The following NCAM1 variants were observed in gnomAD, a reference collection of about 807,000 sequenced individuals.
NCAM1 encodes antigen recognized by monoclonal antibody 5.1H11.
A neutral mutation model predicts 109.8 loss-of-function variants in NCAM1; 14 were observed. That is an observed-to-expected ratio of 0.13 (90% CI 0.08 to 0.20). The LOEUF is 0.20. Ranked by LOEUF, NCAM1 falls within the 10% of genes least tolerant of loss-of-function variation. The pLI is 1.00. For synonymous variants in NCAM1, 418 were observed against 442.9 expected, an observed-to-expected ratio of 0.94 and a Z score of 0.70; for missense variants, 774 against 1,109.9, an observed-to-expected ratio of 0.70 and a Z score of 4.30.
At chr11:113,180,123 C>A (rs1943286872) in intron 1 of NCAM1, among the ~76,000 whole-genome samples, 1 of 152,192 alleles carries the variant, frequency 6.6e-6, no homozygotes, top group South Asian at 2.1e-4. Context: ...TTGTGGACGA[C>A]TGACTGGCAG....
At chr11:113,153,453 T>A (rs113896222) in intron 1 of NCAM1, among the ~76,000 whole-genome samples, 1,446 of 141,276 alleles carry the variant, frequency 0.01, 9 homozygotes, top group Non-Finnish European at 0.017. Context: ...AGACAGAGAG[T>A]GAGAGAGAGA....
At chr11:113,201,552 C>T (rs187257350) in intron 1 of NCAM1, among the ~76,000 whole-genome samples, 2 of 152,362 alleles carry the variant, frequency 1.3e-5, no homozygotes, top group East Asian at 3.9e-4. Flanking sequence ...GAATGGTTGT[C>T]TGCTCCCAGC....
At chr11:113,109,305 G>T (rs1940324490) in intron 1 of NCAM1, among the ~76,000 whole-genome samples, 1 of 147,852 alleles carries the variant, frequency 6.8e-6, no homozygotes, top group Non-Finnish European at 1.5e-5. Context: ...CCAAGACAGT[G>T]CCACTGTACT....
chr11:113,071,708 G>A (rs1156410330), intron 1 of NCAM1, among the ~76,000 whole-genome samples: 1 of 152,142 alleles, frequency 6.6e-6, no homozygotes, highest in African/African-American at 2.4e-5. Context: ...TACAGGCGTG[G>A]GCCACCATGC....
Position 113,274,242 on chromosome 11 carries a change from T to A in NCAM1, c.2457-1025T>A, listed in dbSNP as rs1001287371. 1.3e-4 allele frequency among the ~76,000 whole-genome samples: 19 copies of A among 151,962 alleles called. No homozygotes were observed. The highest frequency in any genetic ancestry group is 2.9e-5 in the Non-Finnish European group (2 of 67,982). ...CACACTGTGGCTCAGATGCTCACCCTCCCCTCCCAACCCCGGCCCCCAGCC... is the reference window on the plus strand; with the variant it reads ...CACACTGTGGCTCAGATGCTCACCCACCCCTCCCAACCCCGGCCCCCAGCC... On this transcript the variant is annotated intron_variant, in intron 19 of 19. Coordinates refer to ENST00000316851, the MANE Select transcript of NCAM1 (RefSeq NM_181351.5). The surrounding 1 kb of genome is among the most constrained non-coding windows in gnomAD (Gnocchi z 4.1).
chr11:113,069,381 G>T (rs1409542029), intron 1 of NCAM1, among the ~76,000 whole-genome samples: 2 of 152,180 alleles, frequency 1.3e-5, no homozygotes, highest in African/African-American at 4.8e-5. Context: ...AGATGGAAGT[G>T]GAGGCAAGAG....
intron 1 of NCAM1, among the ~76,000 whole-genome samples, chr11:113,078,131 C>T (rs1389523909): frequency 4.6e-5 from 7 of 152,122 alleles, no homozygotes; most frequent in East Asian, 3.9e-4. Context: ...AATCAAGTGT[C>T]GGCAGGACTG....
Position 113,102,602 on chromosome 11 carries a change from T to C in NCAM1, c.53-99777T>C, listed in dbSNP as rs990661592. ...ATTGATATGCCAGGTGGACTTCTCA[T>C]AGATATCTGTACCTGTTTGCAACTT... is the stretch of plus-strand genomic sequence containing the variant. On this transcript the variant is annotated intron_variant, in intron 1 of 19. Coordinates refer to ENST00000316851, the MANE Select transcript of NCAM1 (RefSeq NM_181351.5). 2.6e-5 allele frequency among the ~76,000 whole-genome samples: 4 copies of C among 152,226 alleles called. No homozygotes were observed. In the East Asian group the frequency reaches 5.8e-4, roughly 22 times the overall value.
At chr11:113,235,765 C>T (rs1945148432) in intron 14 of NCAM1, among the ~76,000 whole-genome samples, 1 of 152,180 alleles carries the variant, frequency 6.6e-6, no homozygotes, top group South Asian at 2.1e-4. Context: ...AGAATTGCTT[C>T]CCCCTGATTC....
chr11:113,035,060 C>A (rs1330340471), intron 1 of NCAM1, among the ~76,000 whole-genome samples: 1 of 152,106 alleles, frequency 6.6e-6, no homozygotes, highest in Non-Finnish European at 1.5e-5. Context: ...ACACCTTATT[C>A]TTTGAATTTG....
chr11:113,081,263 G>T (rs1428366531), intron 1 of NCAM1, among the ~76,000 whole-genome samples: 4 of 35,322 alleles, frequency 1.1e-4, no homozygotes, highest in African/African-American at 2.6e-4. Context: ...ATGGCAGGAC[G>T]GGGGTCCCGT....
intron 1 of NCAM1, among the ~76,000 whole-genome samples, chr11:113,071,530 A>G (rs993830723): frequency 5.6e-4 from 83 of 148,684 alleles, no homozygotes; most frequent in African/African-American, 2.0e-3. Flanking sequence ...GGTTCACACC[A>G]TTCTCCTGCC....
intron 1 of NCAM1, among the ~76,000 whole-genome samples, chr11:113,197,493 G>T (rs1943891647): frequency 6.6e-6 from 1 of 152,162 alleles, no homozygotes; most frequent in Admixed American, 6.5e-5. Flanking sequence ...TTATTAAATA[G>T]ATTATAGAAA....
chr11:113,026,592 G>A (rs1952553103), intron 1 of NCAM1, among the ~76,000 whole-genome samples: 2 of 152,256 alleles, frequency 1.3e-5, no homozygotes, highest in Non-Finnish European at 2.9e-5. Context: ...AAACAGTGGC[G>A]ACAGAAGGTG....
chr11:113,172,577 G>A (rs1468564394), intron 1 of NCAM1, among the ~76,000 whole-genome samples: 2 of 152,150 alleles, frequency 1.3e-5, no homozygotes, highest in East Asian at 1.9e-4. Context: ...TTAGAAGATT[G>A]CACATTTTGT....
intron 1 of NCAM1, among the ~76,000 whole-genome samples, chr11:113,176,492 T>A (rs1014261493): frequency 2.0e-5 from 3 of 152,188 alleles, no homozygotes; most frequent in Non-Finnish European, 4.4e-5. Flanking sequence ...TATAAGAGAT[T>A]AGGTGAAGGT....
chr11:113,124,848 G>A (rs1443630682), intron 1 of NCAM1, among the ~76,000 whole-genome samples: 1 of 152,188 alleles, frequency 6.6e-6, no homozygotes, highest in Non-Finnish European at 1.5e-5. Flanking sequence ...CGACACTTCT[G>A]CTAAATTTCT....
In NCAM1 at chr11:112,971,252, GTC is replaced by G. The variant is rs145671050; in HGVS notation, c.52+9606_52+9607del. On this transcript the variant is annotated intron_variant, in intron 1 of 19. Coordinates refer to ENST00000316851, the MANE Select transcript of NCAM1 (RefSeq NM_181351.5). ...TCTCTCTCTCTCTCTCTCTGTCTCT[GTC>G]TCTCTCTCTCTCTCTCTGTGTAATA... 7.9e-3 allele frequency among the ~76,000 whole-genome samples: 1,171 copies of G among 147,936 alleles called. 10 individuals are homozygous for G. Among genetic ancestry groups the G allele is most frequent in the African/African-American group, 0.022 (900 of 40,756 alleles).
At chr11:113,137,111 C>A (rs145889820) in intron 1 of NCAM1, among the ~76,000 whole-genome samples, 8 of 152,292 alleles carry the variant, frequency 5.3e-5, no homozygotes, top group Non-Finnish European at 1.2e-4. Context: ...TAAAGCAGGG[C>A]ATAGCAGGTA....
Sources: allele counts gnomAD v4.1 joint callset (sites outside exome capture counted in the v4.1 genomes callset), GRCh38; gene constraint gnomAD v4.1.1; non-coding constraint Gnocchi (gnomAD v3.1); transcripts MANE v1.5; gene names NCBI Gene and HGNC (gene_info 2026-07-23, HGNC 2026-07-21).